PATJ: variants seen among roughly 807,000 people sequenced by gnomAD.
PATJ encodes the protein inaD-like protein.
In PATJ, 190 loss-of-function variants were observed where a neutral mutation model predicts 224.9. The observed-to-expected ratio is 0.84, with a 90% CI of 0.75 to 0.95. The LOEUF is 0.95. Ranked by LOEUF, PATJ falls within the 40% of genes least tolerant of loss-of-function variation. PATJ has a pLI of 0.00. For synonymous variants in PATJ, 769 were observed against 820.3 expected (o/e 0.94, Z 1.07); for missense variants, 2,121 against 2,270.3 (o/e 0.93, Z 1.34).
At chr1:62,146,233 C>T (rs1668026519) in intron 41 of PATJ, among the ~76,000 whole-genome samples, 1 of 151,868 alleles carries the variant, frequency 6.6e-6, no homozygotes, top group Admixed American at 6.6e-5. Flanking sequence ...CACAATGGGG[C>T]GGAGAGAATG....
At chr1:61,930,102 C>T (rs1397108532) in intron 27 of PATJ, among the ~76,000 whole-genome samples, 1 of 152,122 alleles carries the variant, frequency 6.6e-6, no homozygotes, top group East Asian at 1.9e-4. Flanking sequence ...TCCAGGAGAC[C>T]TATGTTGGCT....
At chr1:61,808,784 G>A (rs1249381857) in intron 14 of PATJ, among the ~76,000 whole-genome samples, 1 of 152,124 alleles carries the variant, frequency 6.6e-6, no homozygotes, top group Non-Finnish European at 1.5e-5. Flanking sequence ...AGTCTTGCAT[G>A]TTTCCTAGAA....
chr1:62,043,672 A>T (rs1651944948), intron 30 of PATJ, among the ~76,000 whole-genome samples: 1 of 152,066 alleles, frequency 6.6e-6, no homozygotes, highest in South Asian at 2.1e-4. Context: ...ATTGATAAAA[A>T]TTGTATATAT....
chr1:61,810,658 CT>C (rs1654529381), intron 14 of PATJ, among the ~76,000 whole-genome samples: 1 of 151,758 alleles, frequency 6.6e-6, no homozygotes, highest in African/African-American at 2.4e-5. Flanking sequence ...GATCGTGCCA[CT>C]GCACTCCAGC....
intron 17 of PATJ, among the ~76,000 whole-genome samples, chr1:61,854,559 A>G (rs1663342620): frequency 6.6e-6 from 1 of 152,192 alleles, no homozygotes; most frequent in Non-Finnish European, 1.5e-5. Flanking sequence ...CTGCAGAGTG[A>G]GGTGGTCAAG....
chr1:62,004,989 C>T (rs772057364), intron 28 of PATJ, among the ~76,000 whole-genome samples: 3 of 152,156 alleles, frequency 2.0e-5, no homozygotes, highest in Non-Finnish European at 2.9e-5. Flanking sequence ...TCTGTATCAT[C>T]CTCCCCTACC....
intron 41 of PATJ, among the ~76,000 whole-genome samples, chr1:62,131,127 A>G (rs1666217287): frequency 6.6e-6 from 1 of 152,224 alleles, no homozygotes; most frequent in African/African-American, 2.4e-5. Context: ...TCTATTGAAC[A>G]CAAACCAAAA....
At chr1:61,781,459 T>C (rs917358427) in intron 7 of PATJ, among the ~76,000 whole-genome samples, 1 of 41,368 alleles carries the variant, frequency 2.4e-5, no homozygotes, top group Admixed American at 1.9e-4. Flanking sequence ...TGTTATGCTT[T>C]CTATAACTCA....
At chr1:61,781,350 A>G (rs1402334644) in intron 7 of PATJ, among the ~76,000 whole-genome samples, 1 of 152,164 alleles carries the variant, frequency 6.6e-6, no homozygotes, top group East Asian at 1.9e-4. Context: ...CTTTCCTCTC[A>G]TGTCAGCTGA....
Position 61,996,264 on chromosome 1 carries a change from G to A in PATJ, c.3867+5900G>A, listed in dbSNP as rs141882265. 2.9e-3 allele frequency among the ~76,000 whole-genome samples: 439 copies of A among 152,204 alleles called. 4 individuals carry two copies. Among genetic ancestry groups the A allele is most frequent in the African/African-American group, 9.8e-3 (405 of 41,532 alleles). On this transcript the variant is annotated intron_variant, in intron 28 of 43. Coordinates refer to ENST00000642238, the MANE Select transcript of PATJ (RefSeq NM_001350145.3). ...TATTTATTTTATAAGAGAAAAAACC[G>A]AAACCATAAAAGTTAAATGACTGGC...
intron 12 of PATJ, 133 bp from the exon 13 acceptor site, chr1:61,805,315 C>T: frequency 6.5e-6 from 4 of 611,730 alleles, no homozygotes; most frequent in Non-Finnish European, 1.2e-5. Flanking sequence ...TAAGTTAATG[C>T]ATTTTCCTTT....
At chr1:62,061,880 C>T (rs1294632383) in intron 31 of PATJ, among the ~76,000 whole-genome samples, 5 of 151,652 alleles carry the variant, frequency 3.3e-5, no homozygotes, top group South Asian at 2.1e-4. Context: ...AGGATGGTCT[C>T]GATCTCCTGA....
intron 20 of PATJ, among the ~76,000 whole-genome samples, chr1:61,867,160 C>G (rs572425281): frequency 2.0e-4 from 31 of 152,260 alleles, no homozygotes; most frequent in Admixed American, 1.6e-3. Flanking sequence ...GAAATGCAGC[C>G]CAGTAGGTCT....
At chr1:61,883,757 TAAA>T (rs66752201) in intron 21 of PATJ, among the ~76,000 whole-genome samples, 40 of 113,886 alleles carry the variant, frequency 3.5e-4, no homozygotes, top group East Asian at 2.8e-3. Flanking sequence ...CTCCGTCTCT[TAAA>T]AAAAAAAAAA....
chr1:61,748,069 CG>C (rs1645114449), intron 1 of PATJ, among the ~76,000 whole-genome samples: 1 of 151,660 alleles, frequency 6.6e-6, no homozygotes, highest in South Asian at 2.1e-4. Flanking sequence ...TTAGTAGAGA[CG>C]GGGTTTCACC....
intron 27 of PATJ, among the ~76,000 whole-genome samples, chr1:61,979,380 C>A (rs564195055): frequency 6.6e-6 from 1 of 151,976 alleles, no homozygotes; most frequent in Non-Finnish European, 1.5e-5. Flanking sequence ...TTAGGCCAGG[C>A]GCGGTGGTTC....
chr1:61,913,209 GT>G (rs560774104), intron 25 of PATJ, among the ~76,000 whole-genome samples: 4 of 151,202 alleles, frequency 2.6e-5, no homozygotes, highest in East Asian at 1.9e-4. Flanking sequence ...TGAGCAAGGA[GT>G]TTTTTTTTGT....
intron 21 of PATJ, among the ~76,000 whole-genome samples, chr1:61,881,918 A>G (rs1442754983): frequency 6.6e-6 from 1 of 152,242 alleles, no homozygotes; most frequent in Non-Finnish European, 1.5e-5. Context: ...CATTCTAACC[A>G]TAACATTAGC....
intron 23 of PATJ, among the ~76,000 whole-genome samples, chr1:61,900,752 G>GC (rs1161081317): frequency 2.6e-5 from 4 of 152,096 alleles, no homozygotes; most frequent in African/African-American, 9.7e-5. Context: ...ACTACGCCCG[G>GC]CTAATTTTTT....
Sources: gnomAD v4.1 joint callset for allele counts (sites outside exome capture counted in the v4.1 genomes callset) on GRCh38, gnomAD v4.1.1 for gene constraint, MANE v1.5 for transcripts, NCBI Gene and HGNC (gene_info 2026-07-23, HGNC 2026-07-21) for gene names.